BUD31: variants seen among roughly 807,000 people sequenced by gnomAD.
BUD31 encodes protein BUD31 homolog.
A neutral mutation model predicts 17.9 loss-of-function variants in BUD31; 9 were observed. That is an observed-to-expected ratio of 0.50 (90% CI 0.30 to 0.88). BUD31 has a LOEUF of 0.88. Ranked by LOEUF, BUD31 falls within the 40% of genes least tolerant of loss-of-function variation. The probability of loss-of-function intolerance (pLI) is 0.06; values close to 1 mark genes in which losing one functional copy is unlikely to be tolerated. For synonymous variants in BUD31, 70 were observed against 64.7 expected (o/e 1.08, Z -0.39); for missense variants, 148 against 184.5 (o/e 0.80, Z 1.15).
chr7:99,417,925 G>A (rs953277339), intron 5 of BUD31: 4 of 1,275,012 alleles, frequency 3.1e-6, no homozygotes, highest in Admixed American at 6.8e-5. Context: ...GTGAGTTCCT[G>A]TCCCTTTCAG....
chr7:99,417,469 A>C lies in BUD31; in HGVS notation c.258A>C (p.Lys86Asn). 6.2e-7 allele frequency: 1 copy of C among 1,612,784 alleles called. No homozygotes were observed. The highest frequency in any genetic ancestry group is 8.5e-7 in the Non-Finnish European group (1 of 1,179,458). ...GTATTAAAGAAGGCTATGCAGACAA[A>C]AACCTGATTGCAAAATGGAAAAAGC... is the stretch of plus-strand genomic sequence containing the variant. ...EYCIKEGYAD[K>N]NLIAKWKKQG... Residue 86 changes from lysine to asparagine, a missense_variant, in exon 5 of 6, where the codon AAA becomes AAC. Transcript: ENST00000222969.
At chr7:99,415,855 A>G (rs1795414490) in intron 3 of BUD31, among the ~76,000 whole-genome samples, 1 of 152,148 alleles carries the variant, frequency 6.6e-6, no homozygotes, top group East Asian at 1.9e-4. Flanking sequence ...TTATTATAAT[A>G]TTGGAATAAA....
At chr7:99,416,016 C>T in intron 3 of BUD31, 122 bp from the exon 4 acceptor site, 1 of 1,389,838 alleles carries the variant, frequency 7.2e-7, no homozygotes, top group South Asian at 1.6e-5. Flanking sequence ...GGTGGCTTGC[C>T]ACCCACAGCC....
chr7:99,414,987 A>G (rs907462175), intron 3 of BUD31: 9 of 238,760 alleles, frequency 3.8e-5, no homozygotes, highest in East Asian at 1.5e-4. Context: ...GAGAGTTCCA[A>G]TTTCTCCACA....
rs1795119212 is a variant in BUD31 at position 99,410,184 on chromosome 7, C to T, written c.-30+15C>T. 1 of 152,170 alleles carries T rather than the reference C, an allele frequency of 6.6e-6. No individual in the cohort carries two copies. Among genetic ancestry groups the T allele is most frequent in the East Asian group, 1.9e-4 (1 of 5,154 alleles). The allele number at this position is 152,170 out of a possible 1,614,324, so 9.4% of individuals were successfully genotyped here. Reference sequence around the variant, plus strand: ...CACATCCTAAGGTACTTTGATTTTACAGTCATCTTTCCCTTTTTATTTTAT... The same window carrying T: ...CACATCCTAAGGTACTTTGATTTTATAGTCATCTTTCCCTTTTTATTTTAT... On this transcript the variant is annotated intron_variant, in intron 2 of 5. Transcript: ENST00000222969.
intron 1 of BUD31, among the ~76,000 whole-genome samples, chr7:99,409,719 C>G (rs951075931): frequency 3.2e-5 from 4 of 126,202 alleles, no homozygotes; most frequent in Non-Finnish European, 4.7e-5. Context: ...GAGTTTGATT[C>G]CTCCTCTATA....
rs1305213978 is a variant in BUD31 at position 99,417,463 on chromosome 7, A to G, written c.252A>G (p.Ala84=). The G allele has an allele frequency of 7.4e-6, 12 of 1,613,042 alleles. No homozygotes were observed. The highest frequency in any genetic ancestry group is 1.0e-5 in the Non-Finnish European group (12 of 1,179,640). The change falls in exon 5 of 6, where the codon GCA becomes GCG. Residue 84 remains alanine (A), a synonymous_variant. Transcript: ENST00000222969. Reference sequence around the variant, plus strand: ...AATATTGTATTAAAGAAGGCTATGCAGACAAAAACCTGATTGCAAAATGGA... The same window carrying G: ...AATATTGTATTAAAGAAGGCTATGCGGACAAAAACCTGATTGCAAAATGGA... ...LYEYCIKEGY[A]DKNLIAKWKK...
intron 2 of BUD31, among the ~76,000 whole-genome samples, chr7:99,410,451 A>G (rs1795136045): frequency 6.7e-6 from 1 of 149,800 alleles, no homozygotes; most frequent in South Asian, 2.2e-4. Flanking sequence ...ACTGGTCTCA[A>G]ATTCCTGGGC....
At chr7:99,415,208 A>G (rs986426461) in intron 3 of BUD31, 16 of 455,108 alleles carry the variant, frequency 3.5e-5, no homozygotes, top group East Asian at 7.0e-5. Context: ...CTGCACTGAT[A>G]TTTATTGGAT....
chr7:99,419,615 G>A lies in BUD31; in HGVS notation c.*174G>A, dbSNP rs1414545852. On this transcript the variant is annotated 3_prime_UTR_variant, in exon 6 of 6. Coordinates refer to ENST00000222969, the MANE Select transcript of BUD31 (RefSeq NM_003910.4). ...TAAAAATAAAATCTTTAAATCTCTC[G>A]AGCCCCACGTCTCTTCTTTCAGAGC... 11 of 836,238 alleles carry A rather than the reference G, an allele frequency of 1.3e-5. No individual in the cohort carries two copies. Among genetic ancestry groups the A allele is most frequent in the South Asian group, 1.8e-5 (1 of 56,964 alleles). The allele number at this position is 836,238 out of a possible 1,614,324, so 51.8% of individuals were successfully genotyped here. A position where few individuals can be genotyped will look rare whatever the true frequency, so the allele number is the denominator to read the frequency against.
At chr7:99,410,981 GA>G (rs1298214970) in intron 2 of BUD31, 82 bp from the exon 3 acceptor site, 36 of 849,588 alleles carry the variant, frequency 4.2e-5, no homozygotes, top group Non-Finnish European at 6.7e-5. Flanking sequence ...CTGACTCAAG[GA>G]AGTCAGCCTG....
At chr7:99,411,397 G>A (rs960904237) in intron 3 of BUD31, among the ~76,000 whole-genome samples, 7 of 151,390 alleles carry the variant, frequency 4.6e-5, no homozygotes, top group Admixed American at 4.6e-4. Flanking sequence ...GTTTTTTTTT[G>A]TTTTTGTTTT....
At chr7:99,413,219 G>C (rs1460010069) in intron 3 of BUD31, among the ~76,000 whole-genome samples, 1 of 152,000 alleles carries the variant, frequency 6.6e-6, no homozygotes, top group Non-Finnish European at 1.5e-5. Flanking sequence ...AGACAGGGAG[G>C]GATAGTCTTC....
At chr7:99,416,708 C>T (rs867578735) in intron 4 of BUD31, 36 of 148,254 alleles carry the variant, frequency 2.4e-4, no homozygotes, top group South Asian at 2.0e-3. Flanking sequence ...CGTGGTCCAC[C>T]GCTCTTGGCT....
intron 4 of BUD31, 71 bp downstream of exon 4, chr7:99,416,331 T>C: frequency 1.3e-6 from 2 of 1,546,028 alleles, no homozygotes; most frequent in Admixed American, 1.8e-5. Flanking sequence ...ACCACAATCC[T>C]TATTCTCGCA....
chr7:99,416,159 G>GA lies in BUD31; in HGVS notation c.119dup (p.Arg41GlufsTer36). 6.2e-7 allele frequency: 1 copy of GA among 1,613,852 alleles called. No homozygotes were observed. The highest frequency in any genetic ancestry group is 8.5e-7 in the Non-Finnish European group (1 of 1,179,838). On this transcript the variant is annotated frameshift_variant, in exon 4 of 6. Coordinates refer to ENST00000222969, the MANE Select transcript of BUD31 (RefSeq NM_003910.4). LOFTEE classifies it high-confidence loss of function. ...CCAGCTGAAACAGAACCGCATGAGG[G>GA]AAAGAGGAAAGTGGAATCTCTGTGG...
chr7:99,416,009 G>A lies in BUD31; in HGVS notation c.95-129G>A. Reference sequence around the variant, plus strand: ...CGGTTTCTTGCCTCGGCACCTGGGTGGCTTGCCACCCACAGCCATCCTAGT... The same window carrying A: ...CGGTTTCTTGCCTCGGCACCTGGGTAGCTTGCCACCCACAGCCATCCTAGT... On this transcript the variant is annotated intron_variant, in intron 3 of 5. Transcript: ENST00000222969. The A allele has an allele frequency of 5.3e-6, 7 of 1,324,860 alleles. No homozygotes were observed. In the Admixed American group the frequency reaches 7.3e-5, roughly 14 times the overall value. The allele number at this position is 1,324,860 out of a possible 1,614,324, so 82.1% of individuals were successfully genotyped here.
intron 5 of BUD31, 98 bp downstream of exon 5, chr7:99,417,693 C>A: frequency 6.4e-7 from 1 of 1,555,376 alleles, no homozygotes; most frequent in South Asian, 1.2e-5. Context: ...GCTGGAATGT[C>A]GTTTTGTCCC....
intron 3 of BUD31, chr7:99,411,756 G>A (rs1372113909): frequency 2.2e-6 from 1 of 454,094 alleles, no homozygotes; most frequent in Admixed American, 2.4e-5. Flanking sequence ...CCAGGCTGCA[G>A]TGCAGTGGCG....
Sources: gnomAD v4.1 joint callset for allele counts (sites outside exome capture counted in the v4.1 genomes callset) on GRCh38, gnomAD v4.1.1 for gene constraint, MANE v1.5 for transcripts, NCBI Gene and HGNC (gene_info 2026-07-23, HGNC 2026-07-21) for gene names.